Variants in GPR143 observed in about 807,000 individuals in gnomAD.
GPR143 encodes G protein-coupled receptor 143, also known as G-protein coupled receptor 143.
GPR143 carries 8 observed loss-of-function variants against 27.6 expected under a neutral mutation model. The observed-to-expected ratio is 0.29, with a 90% CI of 0.17 to 0.52. The LOEUF (loss-of-function observed/expected upper bound fraction) is 0.52, where lower values mean the gene tolerates loss of function less well. Ranked by LOEUF, GPR143 falls within the 20% of genes least tolerant of loss-of-function variation. The probability of loss-of-function intolerance (pLI) is 0.96; values close to 1 mark genes in which losing one functional copy is unlikely to be tolerated. For synonymous variants in GPR143, 156 were observed against 153.2 expected (o/e 1.02, Z -0.13); for missense variants, 303 against 343.1 (o/e 0.88, Z 0.92).
intron 2 of GPR143, 62 bp from the exon 3 acceptor site, chrX:9,759,488 C>A: frequency 1.3e-6 from 1 of 773,296 alleles, no homozygotes; most frequent in Non-Finnish European, 2.0e-6. Flanking sequence ...CCCAGCCCAT[C>A]CTTGAGACGG....
chrX:9,776,337 C>T (rs764753604), intron 1 of GPR143, among the ~76,000 whole-genome samples: 34 of 112,229 alleles, frequency 3.0e-4, no homozygotes, highest in African/African-American at 1.1e-3. Flanking sequence ...CTGGTTTGAA[C>T]ATCTAGTGAC....
chrX:9,750,487 C>A (rs1023084374), intron 3 of GPR143, among the ~76,000 whole-genome samples: 3 of 111,458 alleles, frequency 2.7e-5, no homozygotes, highest in African/African-American at 9.8e-5. Flanking sequence ...GGATTACAGG[C>A]ATGAGCCACT....
At chrX:9,731,264 G>T (rs751706324) in intron 8 of GPR143, among the ~76,000 whole-genome samples, 7 of 111,432 alleles carry the variant, frequency 6.3e-5, no homozygotes, top group Non-Finnish European at 1.1e-4. Context: ...GGAACTTAGG[G>T]AGCCTGAGGC....
At chrX:9,728,629 C>A (rs1254536592) in intron 8 of GPR143, among the ~76,000 whole-genome samples, 1 of 61,914 alleles carries the variant, frequency 1.6e-5, no homozygotes, top group Non-Finnish European at 2.7e-5. Flanking sequence ...GCAACATAGA[C>A]CCTATCTCTT....
At chrX:9,769,581 ATTTG>A (rs942850584), upstream of GPR143, among the ~76,000 whole-genome samples, 9 of 111,727 alleles carry the variant, frequency 8.1e-5, no homozygotes, top group African/African-American at 2.6e-4. Flanking sequence ...AATAAATAAG[ATTTG>A]TTTATTTATT....
upstream of GPR143, among the ~76,000 whole-genome samples, chrX:9,767,158 A>T (rs1169679624): frequency 9.5e-6 from 1 of 105,561 alleles, no homozygotes; most frequent in African/African-American, 3.5e-5. Flanking sequence ...TAATGATTAC[A>T]GTAAGCATAC....
At position 9,759,230 on chromosome X, in the gene GPR143, G is replaced by A. The variant is rs190169973; in HGVS notation, c.455+102C>T. 1,496 of 547,846 alleles carry A rather than the reference G, an allele frequency of 2.7e-3. 2 individuals are homozygous for A. Among genetic ancestry groups the A allele is most frequent in the Non-Finnish European group, 4.2e-3 (1,308 of 310,199 alleles). The allele number at this position is 547,846 out of a possible 1,213,427, so 45.1% of individuals were successfully genotyped here. A position where few individuals can be genotyped will look rare whatever the true frequency, so the allele number is the denominator to read the frequency against. On this transcript the variant is annotated intron_variant, in intron 3 of 8. Coordinates refer to ENST00000467482, the MANE Select transcript of GPR143 (RefSeq NM_000273.3). ...GGCCAGCTGACAGATTCTGAATGAC[G>A]GTGTCTGCAACACTGCAAAATACTT...
At chrX:9,767,153 A>G (rs1234640950), upstream of GPR143, among the ~76,000 whole-genome samples, 1 of 106,620 alleles carries the variant, frequency 9.4e-6, no homozygotes, top group African/African-American at 3.5e-5. Context: ...TGTGTTAATG[A>G]TTACAGTAAG....
At chrX:9,765,919 C>CT (rs761800156), upstream of GPR143, 11 of 823,993 alleles carry the variant, frequency 1.3e-5, no homozygotes, top group Non-Finnish European at 1.6e-5. Context: ...CCCTGGGCCT[C>CT]TCCCCCACCC....
intron 3 of GPR143, among the ~76,000 whole-genome samples, chrX:9,754,650 C>T (rs1046705983): frequency 2.7e-5 from 3 of 111,202 alleles, no homozygotes; most frequent in Non-Finnish European, 5.7e-5. Context: ...AAATGAACTC[C>T]CAAATACTAT....
rs756584912 is a variant in GPR143, at chrX:9,725,759, T to C, written c.1202A>G (p.His401Arg). 25 of 1,198,308 alleles carry C rather than the reference T, an allele frequency of 2.1e-5. No individual in the cohort carries two copies. In the South Asian group the frequency reaches 3.9e-4, roughly 19 times the overall value. Reference protein sequence around the residue: ...KNEGDPALPTHGDL With the variant: ...KNEGDPALPTRGDL ...AGCACATCCCCTTCATAGGTCTCCATGGGTTGGGAGAGCAGGGTCACCCTC... is the reference window on the plus strand; with the variant it reads ...AGCACATCCCCTTCATAGGTCTCCACGGGTTGGGAGAGCAGGGTCACCCTC... Residue 401 changes from histidine to arginine, a missense_variant, in exon 9 of 9, where the codon CAT becomes CGT. Coordinates refer to ENST00000467482, the MANE Select transcript of GPR143 (RefSeq NM_000273.3).
Position 9,725,738 on chromosome X carries a change from C to T in GPR143, c.*8G>A. 8.6e-7 allele frequency: 1 copy of T among 1,168,412 alleles called. No homozygotes were observed. The highest frequency in any genetic ancestry group is 3.0e-5 in the East Asian group (1 of 33,658). ...GAATATGGGGTCTGGACCCCCAGCACATCCCCTTCATAGGTCTCCATGGGT... is the reference window on the plus strand; with the variant it reads ...GAATATGGGGTCTGGACCCCCAGCATATCCCCTTCATAGGTCTCCATGGGT... On this transcript the variant is annotated 3_prime_UTR_variant, in exon 9 of 9. Transcript: ENST00000467482.
At chrX:9,760,087 T>C (rs1444058414) in intron 2 of GPR143, among the ~76,000 whole-genome samples, 1 of 112,171 alleles carries the variant, frequency 8.9e-6, no homozygotes. Context: ...TATATAATTA[T>C]GTGGTTTTAT....
Position 9,759,388 on chromosome X carries a change from C to G in GPR143, c.399G>C (p.Trp133Cys). The G allele has an allele frequency of 8.3e-7, 1 of 1,199,550 alleles. No homozygotes were observed. The highest frequency in any genetic ancestry group is 1.1e-6 in the Non-Finnish European group (1 of 886,717). ...AAGCATCCACTGCATAGCAAAACAG[C>G]CACCAGAAGCAGGCACTGTACAACA... ...IQLLYSACFW[W>C]LFCYAVDAYL... The change falls in exon 3 of 9, where the codon TGG (tryptophan) becomes TGC (cysteine). Residue 133 changes from tryptophan (W) to cysteine (C), a missense_variant. Physicochemically the swap from Trp to Cys is radical, Grantham distance 215. Transcript: ENST00000467482.
At chrX:9,757,340 C>G (rs1303477115) in intron 3 of GPR143, among the ~76,000 whole-genome samples, 1 of 112,114 alleles carries the variant, frequency 8.9e-6, no homozygotes, top group Non-Finnish European at 1.9e-5. Flanking sequence ...CCCAAAGGCC[C>G]TGCCTCCTAA....
Position 9,746,088 on chromosome X carries a change from A to G in GPR143, c.614T>C (p.Val205Ala). 2.5e-6 allele frequency: 3 copies of G among 1,204,490 alleles called. No homozygotes were observed. The highest frequency in any genetic ancestry group is 3.4e-6 in the Non-Finnish European group (3 of 889,081). The change falls in exon 5 of 9, where the codon GTT becomes GCT. Residue 205 changes from valine (V) to alanine (A), a missense_variant. Physicochemically the swap from Val to Ala is moderately conservative, Grantham distance 64 (BLOSUM62 0). Transcript: ENST00000467482. ...YVTMYLPLLLVLVANPILFQK... is the reference protein window; with the variant it reads ...YVTMYLPLLLALVANPILFQK... ...GAACAGGATGGGGTTCGCCACGAGA[A>G]CCAGCAGCAGGGGCAGGTACATGGT...
chrX:9,734,348 G>A lies in GPR143; in HGVS notation c.1120+5137C>T, dbSNP rs765909004. On this transcript the variant is annotated intron_variant, in intron 8 of 8. Coordinates refer to ENST00000467482, the MANE Select transcript of GPR143 (RefSeq NM_000273.3). Reference sequence around the variant, plus strand: ...TATTGTGGGAGATACACGGAATTGTGGGAGAGACAGAGAATTATGGGAGAA... The same window carrying A: ...TATTGTGGGAGATACACGGAATTGTAGGAGAGACAGAGAATTATGGGAGAA... Among the ~76,000 whole-genome samples, 16 of 111,409 alleles carry A rather than the reference G, an allele frequency of 1.4e-4. No homozygotes were observed. The South Asian group carries it at 5.7e-3, about 40-fold the overall frequency.
At chrX:9,769,028 G>T (rs756824187), upstream of GPR143, among the ~76,000 whole-genome samples, 1 of 111,745 alleles carries the variant, frequency 8.9e-6, no homozygotes, top group South Asian at 3.8e-4. Context: ...GAAAAGTGAA[G>T]CAAATACACA....
At chrX:9,778,062 G>A (rs909144930) in intron 1 of GPR143, among the ~76,000 whole-genome samples, 2 of 111,229 alleles carry the variant, frequency 1.8e-5, no homozygotes, top group African/African-American at 6.6e-5. Context: ...CTGCACTCCA[G>A]CCTGGGCGAC....
Sources: gnomAD v4.1 joint callset for allele counts (sites outside exome capture counted in the v4.1 genomes callset) on GRCh38, gnomAD v4.1.1 for gene constraint, MANE v1.5 for transcripts, NCBI Gene and HGNC (gene_info 2026-07-23, HGNC 2026-07-21) for gene names.